Variants in ACTL8 observed in about 807,000 individuals in gnomAD.
ACTL8 encodes the protein actin like 8.
Under a neutral mutation model 9.3 loss-of-function variants are expected in ACTL8, and 3 were observed. The observed-to-expected ratio is 0.32, with a 90% CI of 0.15 to 0.83. The LOEUF (loss-of-function observed/expected upper bound fraction) is 0.83, where lower values mean the gene tolerates loss of function less well. ACTL8 is among the 40% of genes least tolerant of loss of function. ACTL8 has a pLI of 0.57. For missense variants in ACTL8, 381 were observed against 492.2 expected (o/e 0.77, Z 2.14); for synonymous variants, 224 against 205.9 (o/e 1.09, Z -0.75).
At chr1:17,756,280 TC>T (rs1202743349) in intron 1 of ACTL8, among the ~76,000 whole-genome samples, 1 of 151,940 alleles carries the variant, frequency 6.6e-6, no homozygotes, top group Non-Finnish European at 1.5e-5. Context: ...GGGGGACTTA[TC>T]TTTGGGGAAC....
intron 1 of ACTL8, among the ~76,000 whole-genome samples, chr1:17,802,920 G>C (rs905470134): frequency 5.9e-5 from 9 of 152,198 alleles, no homozygotes; most frequent in Non-Finnish European, 1.0e-4. Context: ...GGAAGGCAGA[G>C]GTTGCAGTAA....
chr1:17,805,774 G>A (rs500035), intron 1 of ACTL8, among the ~76,000 whole-genome samples: 14,271 of 152,214 alleles, frequency 0.094, 792 homozygotes, highest in Admixed American at 0.15. Flanking sequence ...TCTTGTTCAT[G>A]GCTATATCTG....
chr1:17,795,621 T>C (rs1041189693), intron 1 of ACTL8, among the ~76,000 whole-genome samples: 1 of 152,150 alleles, frequency 6.6e-6, no homozygotes, highest in East Asian at 1.9e-4. Flanking sequence ...ACCAGGAAGC[T>C]GGGATAACAG....
chr1:17,759,986 C>T (rs2065990664), intron 1 of ACTL8, among the ~76,000 whole-genome samples: 1 of 152,178 alleles, frequency 6.6e-6, no homozygotes, highest in Admixed American at 6.5e-5. Flanking sequence ...TGCGCAGCTT[C>T]CCCCTCCTAA....
At chr1:17,762,565 C>G (rs2066014488) in intron 1 of ACTL8, among the ~76,000 whole-genome samples, 1 of 152,168 alleles carries the variant, frequency 6.6e-6, no homozygotes, top group Non-Finnish European at 1.5e-5. Flanking sequence ...GTCCCTTTCT[C>G]TCGGCCAGGC....
At chr1:17,798,506 G>A (rs139953050) in intron 1 of ACTL8, among the ~76,000 whole-genome samples, 1 of 152,182 alleles carries the variant, frequency 6.6e-6, no homozygotes, top group East Asian at 1.9e-4. Flanking sequence ...TTTGGGAGAG[G>A]GAGTTGGTGG....
chr1:17,789,203 C>T (rs1478581508), intron 1 of ACTL8, among the ~76,000 whole-genome samples: 1 of 152,102 alleles, frequency 6.6e-6, no homozygotes, highest in Non-Finnish European at 1.5e-5. Flanking sequence ...TATGGCAGCC[C>T]TTGGTCCTCT....
intron 1 of ACTL8, among the ~76,000 whole-genome samples, chr1:17,774,075 T>C (rs1029073435): frequency 1.3e-5 from 2 of 152,162 alleles, no homozygotes; most frequent in African/African-American, 4.8e-5. Context: ...ATTGCTGTCA[T>C]GGCCTAGAGG....
intron 1 of ACTL8, among the ~76,000 whole-genome samples, chr1:17,766,377 G>T (rs925954761): frequency 1.3e-5 from 2 of 152,114 alleles, no homozygotes; most frequent in East Asian, 3.9e-4. Context: ...ATTGTACAGC[G>T]TATGAGTGGC....
intron 1 of ACTL8, among the ~76,000 whole-genome samples, chr1:17,769,349 C>T (rs571066313): frequency 1.3e-5 from 2 of 152,286 alleles, no homozygotes; most frequent in African/African-American, 4.8e-5. Flanking sequence ...CTCTCCATTT[C>T]CTCTGTAAAG....
In ACTL8 at chr1:17,762,773, C is replaced by T. The variant is rs369118191; in HGVS notation, c.-25+7269C>T. On this transcript the variant is annotated intron_variant, in intron 1 of 2. Coordinates refer to ENST00000375406, the MANE Select transcript of ACTL8 (RefSeq NM_030812.3). Reference sequence around the variant, plus strand: ...CTTCTCCTTGGTGCCCCCCGCCCCCCAAGGCCTTGTTCCCCGGTGACTCCT... The same window carrying T: ...CTTCTCCTTGGTGCCCCCCGCCCCCTAAGGCCTTGTTCCCCGGTGACTCCT... Among the ~76,000 whole-genome samples the T allele has an allele frequency of 1.1e-4, 17 of 152,224 alleles. No individual in the cohort carries two copies. In the East Asian group the frequency reaches 3.1e-3, roughly 28 times the overall value.
At position 17,777,897 on chromosome 1, in the gene ACTL8, C is replaced by T. The variant is rs115188298; in HGVS notation, c.-25+22393C>T. On this transcript the variant is annotated intron_variant, in intron 1 of 2. Coordinates refer to ENST00000375406, the MANE Select transcript of ACTL8 (RefSeq NM_030812.3). ...GTTTTTAGTAGAAATGAGGTTTCAC[C>T]GTGGTGGCCAGGCTTGTCTTGAACT... Among the ~76,000 whole-genome samples the T allele has an allele frequency of 8.6e-3, 1,315 of 152,274 alleles. 17 individuals carry two copies. The highest frequency in any genetic ancestry group is 0.03 in the African/African-American group (1,242 of 41,562).
chr1:17,825,132 C>A (rs2053703266), intron 2 of ACTL8, among the ~76,000 whole-genome samples: 8 of 151,964 alleles, frequency 5.3e-5, no homozygotes, highest in Admixed American at 3.9e-4. Context: ...GAAAACCAGC[C>A]CAGGGACTCT....
chr1:17,811,744 TA>T (rs1187035313), intron 1 of ACTL8, among the ~76,000 whole-genome samples: 1 of 152,232 alleles, frequency 6.6e-6, no homozygotes, highest in Non-Finnish European at 1.5e-5. Flanking sequence ...ATTGTCCTTG[TA>T]CCTTTGTCAA....
intron 1 of ACTL8, among the ~76,000 whole-genome samples, chr1:17,805,761 T>C (rs79985944): frequency 6.6e-6 from 1 of 152,314 alleles, no homozygotes; most frequent in African/African-American, 2.4e-5. Context: ...GCAGCCACTG[T>C]TGTCTTGTTC....
intron 1 of ACTL8, among the ~76,000 whole-genome samples, chr1:17,811,163 T>C (rs542752362): frequency 6.6e-6 from 1 of 152,370 alleles, no homozygotes; most frequent in Admixed American, 6.5e-5. Flanking sequence ...CTTAAAATTT[T>C]ATGGTTTTAA....
chr1:17,809,918 C>G (rs928151659), intron 1 of ACTL8, among the ~76,000 whole-genome samples: 1 of 152,202 alleles, frequency 6.6e-6, no homozygotes, highest in African/African-American at 2.4e-5. Flanking sequence ...AAATTATCTT[C>G]CACAAAACCA....
At chr1:17,774,325 G>A (rs1220047516) in intron 1 of ACTL8, among the ~76,000 whole-genome samples, 1 of 152,142 alleles carries the variant, frequency 6.6e-6, no homozygotes, top group Non-Finnish European at 1.5e-5. Context: ...GGGGGTGGGG[G>A]CGGGGTGTAG....
rs1307494214 is a variant in ACTL8 at position 17,822,971 on chromosome 1, C to A, written c.-24-14C>A. The stretch of plus-strand genomic sequence containing the variant: ...GGCTGCCTGCACAACTAACCCCATC[C>A]TTTGCTTCCGCAGGTCCCACCCACC... On this transcript the variant is annotated splice_polypyrimidine_tract_variant and intron_variant, in intron 1 of 2. Transcript: ENST00000375406. 1.3e-6 allele frequency: 2 copies of A among 1,574,028 alleles called. No homozygotes were observed. The highest frequency in any genetic ancestry group is 1.2e-5 in the South Asian group (1 of 84,686).
Sources: gnomAD v4.1 joint callset for allele counts (sites outside exome capture counted in the v4.1 genomes callset) on GRCh38, gnomAD v4.1.1 for gene constraint, MANE v1.5 for transcripts, NCBI Gene and HGNC (gene_info 2026-07-23, HGNC 2026-07-21) for gene names.